The following GRIN2A variants were observed in gnomAD, a reference collection of about 807,000 sequenced individuals.
The protein encoded by GRIN2A is glutamate receptor ionotropic, NMDA 2A.
In GRIN2A, 22 loss-of-function variants were observed where a neutral mutation model predicts 113.4. The ratio of observed to expected loss-of-function variants is 0.19; its 90% CI spans 0.14 to 0.28. The LOEUF (loss-of-function observed/expected upper bound fraction) is 0.28. Among genes scored for constraint, GRIN2A ranks in the 10% least tolerant of loss-of-function variants. The pLI is 1.00. For missense variants in GRIN2A, 1,502 were observed against 1,887.0 expected (o/e 0.80, Z 3.78); for synonymous variants, 827 against 738.4 (o/e 1.12, Z -1.94).
At chr16:9,944,455 A>T (rs2044967626) in intron 2 of GRIN2A, among the ~76,000 whole-genome samples, 1 of 152,006 alleles carries the variant, frequency 6.6e-6, no homozygotes, top group Admixed American at 6.6e-5. Flanking sequence ...ATCCTCCATC[A>T]TCATCACATC....
At chr16:9,848,134 T>C (rs1246098446) in intron 5 of GRIN2A, among the ~76,000 whole-genome samples, 4 of 147,980 alleles carry the variant, frequency 2.7e-5, no homozygotes, top group Non-Finnish European at 6.0e-5. Context: ...ATAAAAATAG[T>C]TTATATATAA....
intron 2 of GRIN2A, among the ~76,000 whole-genome samples, chr16:10,010,928 T>C (rs779138926): frequency 2.0e-5 from 3 of 152,176 alleles, no homozygotes; most frequent in Non-Finnish European, 4.4e-5. Flanking sequence ...TCACCTGAAG[T>C]TGTGGAACAT....
intron 8 of GRIN2A, among the ~76,000 whole-genome samples, chr16:9,832,905 C>G (rs911308117): frequency 9.2e-5 from 14 of 152,166 alleles, no homozygotes; most frequent in Non-Finnish European, 8.8e-5. Context: ...TGAAAGATTT[C>G]AATAAAACTA....
chr16:10,111,669 C>T, intron 2 of GRIN2A: 1 of 1,565,824 alleles, frequency 6.4e-7, no homozygotes, highest in Non-Finnish European at 8.8e-7. Flanking sequence ...ACAACTGCAC[C>T]CCAGAGTTCC....
At chr16:9,974,108 A>G (rs1164231639) in intron 2 of GRIN2A, among the ~76,000 whole-genome samples, 1 of 152,228 alleles carries the variant, frequency 6.6e-6, no homozygotes, top group Non-Finnish European at 1.5e-5. Context: ...GTATTAATGT[A>G]CAGATGCAAT....
rs192159887 is a variant in GRIN2A, at chr16:10,136,617, C to T, written c.414+43381G>A. 2.0e-5 allele frequency among the ~76,000 whole-genome samples: 3 copies of T among 152,234 alleles called. No homozygotes were observed. The East Asian group carries it at 5.8e-4, about 29-fold the overall frequency. ...ATTTTGCTCTGCATATTCTAGGTGA[C>T]CTTTTCCTCCCCCATTTTTCTTCAT... is the stretch of plus-strand genomic sequence containing the variant. On this transcript the variant is annotated intron_variant, in intron 2 of 12. Transcript: ENST00000330684.
chr16:9,858,592 G>T lies in GRIN2A; in HGVS notation c.1123-8631C>A, dbSNP rs552306853. 5.9e-5 allele frequency among the ~76,000 whole-genome samples: 9 copies of T among 152,202 alleles called. 1 individual carries two copies. The highest frequency in any genetic ancestry group is 6.8e-3 in the Middle Eastern group (2 of 294). ...ATGGAGAAAAGTGATTTTGCTAAAA[G>T]AAATATAAAAAGGGTAGATTAACTT... On this transcript the variant is annotated intron_variant, in intron 4 of 12. Coordinates refer to ENST00000330684, the MANE Select transcript of GRIN2A (RefSeq NM_001134407.3).
intron 2 of GRIN2A, among the ~76,000 whole-genome samples, chr16:10,134,356 GC>G (rs1703597138): frequency 6.6e-6 from 1 of 151,978 alleles, no homozygotes; most frequent in African/African-American, 2.4e-5. Flanking sequence ...TGTGTTTCCA[GC>G]CTAAGAGTTT....
intron 4 of GRIN2A, among the ~76,000 whole-genome samples, chr16:9,854,481 G>C (rs1431640783): frequency 6.6e-6 from 1 of 152,106 alleles, no homozygotes; most frequent in Non-Finnish European, 1.5e-5. Flanking sequence ...TATTGTTTCT[G>C]CTTGTCTCCA....
Position 9,998,724 on chromosome 16 carries a change from A to G in GRIN2A, c.415-60173T>C, listed in dbSNP as rs1009150077. Among the ~76,000 whole-genome samples, 5 of 150,658 alleles carry G rather than the reference A, an allele frequency of 3.3e-5. 1 individual carries two copies. Among genetic ancestry groups the G allele is most frequent in the Admixed American group, 1.3e-4 (2 of 15,138 alleles). The stretch of plus-strand genomic sequence containing the variant: ...CTCAACTAATTTCAGAATCAGTCTC[A>G]CTCTTCTCTCTCTCTCTCCTTCTCC... On this transcript the variant is annotated intron_variant, in intron 2 of 12. Coordinates refer to ENST00000330684, the MANE Select transcript of GRIN2A (RefSeq NM_001134407.3).
Position 9,763,991 on chromosome 16 carries a change from T to G in GRIN2A, c.3553A>C (p.Lys1185Gln). The G allele has an allele frequency of 1.2e-6, 2 of 1,614,126 alleles. No individual in the cohort carries two copies. The highest frequency in any genetic ancestry group is 1.7e-6 in the Non-Finnish European group (2 of 1,180,006). ...AAGGTGAAGTGCTTGGAGTAGAGTTTATACTGGTCGTTGTTGGAAAGCCCC... is the reference window on the plus strand; with the variant it reads ...AAGGTGAAGTGCTTGGAGTAGAGTTGATACTGGTCGTTGTTGGAAAGCCCC... ...EEGLSNNDQYKLYSKHFTLKD... is the reference protein window; with the variant it reads ...EEGLSNNDQYQLYSKHFTLKD... The change falls in exon 13 of 13, where the codon AAA becomes CAA. Residue 1185 changes from lysine to glutamine, a missense_variant. Physicochemically the swap from Lys to Gln is moderately conservative, Grantham distance 53 (BLOSUM62 1). Coordinates refer to ENST00000330684, the MANE Select transcript of GRIN2A (RefSeq NM_001134407.3).
chr16:10,179,884 C>A, intron 2 of GRIN2A, 114 bp downstream of exon 2: 8 of 615,160 alleles, frequency 1.3e-5, no homozygotes, highest in East Asian at 8.6e-5. Flanking sequence ...ACCCTCCCAC[C>A]CCCACCCCCA....
intron 2 of GRIN2A, among the ~76,000 whole-genome samples, chr16:10,072,111 G>C (rs1456221076): frequency 2.0e-5 from 3 of 152,310 alleles, no homozygotes; most frequent in Middle Eastern, 3.4e-3. Flanking sequence ...AACATCCATA[G>C]CTCCTTCAAT....
chr16:10,166,689 C>T (rs1340405056), intron 2 of GRIN2A, among the ~76,000 whole-genome samples: 1 of 152,150 alleles, frequency 6.6e-6, no homozygotes, highest in Non-Finnish European at 1.5e-5. Flanking sequence ...AGGACAAAGC[C>T]AAGAAATGTA....
intron 2 of GRIN2A, among the ~76,000 whole-genome samples, chr16:10,011,770 G>T (rs935989036): frequency 6.6e-6 from 1 of 152,102 alleles, no homozygotes; most frequent in Non-Finnish European, 1.5e-5. Context: ...GCTTTGTGGC[G>T]GGATGACGTT....
intron 2 of GRIN2A, among the ~76,000 whole-genome samples, chr16:10,072,946 CTTTTTT>C (rs34432023): frequency 3.8e-5 from 4 of 104,230 alleles, no homozygotes; most frequent in Non-Finnish European, 5.6e-5. Context: ...ACAAGACCCC[CTTTTTT>C]TTTTTTTTTT....
In GRIN2A at chr16:9,849,899, G is replaced by C; in HGVS notation, c.1185C>G (p.Ser395=). 1 of 1,614,068 alleles carries C rather than the reference G, an allele frequency of 6.2e-7. No homozygotes were observed. The highest frequency in any genetic ancestry group is 8.5e-7 in the Non-Finnish European group (1 of 1,179,982). The change falls in exon 5 of 13, where the codon TCC becomes TCG. Residue 395 remains serine (S), a synonymous_variant. Coordinates refer to ENST00000330684, the MANE Select transcript of GRIN2A (RefSeq NM_001134407.3). ...TGTCATCCGGCTCACAGTCGGAGAAGGACTTGTACCTGGGCCACACGGCGT... is the reference window on the plus strand; with the variant it reads ...TGTCATCCGGCTCACAGTCGGAGAACGACTTGTACCTGGGCCACACGGCGT... The part of the protein sequence containing the change: ...LRHAVWPRYK[S]FSDCEPDDNH...
At chr16:10,167,098 C>A (rs750495869) in intron 2 of GRIN2A, among the ~76,000 whole-genome samples, 5 of 146,218 alleles carry the variant, frequency 3.4e-5, no homozygotes, top group African/African-American at 5.1e-5. Context: ...ATGCAACTAG[C>A]GCCTGCATTA....
At chr16:9,806,256 G>A (rs1027745321) in intron 10 of GRIN2A, among the ~76,000 whole-genome samples, 5 of 152,088 alleles carry the variant, frequency 3.3e-5, no homozygotes, top group Admixed American at 2.0e-4. Context: ...GCCATTTTGA[G>A]TTTTCTTTTG....
Sources: gnomAD v4.1 joint callset for allele counts (sites outside exome capture counted in the v4.1 genomes callset) on GRCh38, gnomAD v4.1.1 for gene constraint, MANE v1.5 for transcripts, NCBI Gene and HGNC (gene_info 2026-07-23, HGNC 2026-07-21) for gene names.